The following SLC24A2 variants were observed in gnomAD, a reference collection of about 807,000 sequenced individuals.
SLC24A2 encodes solute carrier family 24 member 2.
In SLC24A2, 36 loss-of-function variants were observed where a neutral mutation model predicts 62.0. The observed-to-expected ratio is 0.58, with a 90% CI of 0.44 to 0.77. The LOEUF (loss-of-function observed/expected upper bound fraction) is 0.77. SLC24A2 is among the 30% of genes least tolerant of loss of function. SLC24A2 has a pLI of 0.00. For synonymous variants in SLC24A2, 358 were observed against 294.0 expected, an observed-to-expected ratio of 1.22 and a Z score of -2.23; for missense variants, 846 against 817.9, an observed-to-expected ratio of 1.03 and a Z score of -0.42.
the SLC24A2 span, among the ~76,000 whole-genome samples, chr9:20,019,255 GAA>G: frequency 4.0e-4 from 35 of 88,468 alleles, no homozygotes; most frequent in Non-Finnish European, 7.1e-4. Context: ...GAAGGAAAGA[GAA>G]AGAAAGAAAG....
chr9:20,022,586 T>C, the SLC24A2 span, among the ~76,000 whole-genome samples: 1 of 152,208 alleles, frequency 6.6e-6, no homozygotes, highest in Admixed American at 6.5e-5. Context: ...TCCACGTGCT[T>C]ACTGTCTCAC....
chr9:20,110,471 C>A, the SLC24A2 span, among the ~76,000 whole-genome samples: 1 of 150,884 alleles, frequency 6.6e-6, no homozygotes, highest in Non-Finnish European at 1.5e-5. Context: ...TTTTTTTTCA[C>A]TCTTACACTA....
the SLC24A2 span, among the ~76,000 whole-genome samples, chr9:20,141,353 C>T: frequency 6.6e-6 from 1 of 152,026 alleles, no homozygotes; most frequent in Non-Finnish European, 1.5e-5. Flanking sequence ...GTTAGCCCCC[C>T]TTACTCCAAG....
At chr9:20,283,398 G>T in the SLC24A2 span, among the ~76,000 whole-genome samples, 1 of 152,140 alleles carries the variant, frequency 6.6e-6, no homozygotes, top group Non-Finnish European at 1.5e-5. Flanking sequence ...TAGCTCTGCT[G>T]GCAATTCGTA....
chr9:20,100,966 G>A, the SLC24A2 span, among the ~76,000 whole-genome samples: 1 of 152,138 alleles, frequency 6.6e-6, no homozygotes, highest in African/African-American at 2.4e-5. Flanking sequence ...ATACACAGTG[G>A]TAACTTGTGC....
rs1823173945 is a variant in SLC24A2 at position 19,786,427 on chromosome 9, A to G, written c.440T>C (p.Ile147Thr). 1.2e-6 allele frequency: 2 copies of G among 1,614,084 alleles called. No individual in the cohort carries two copies. Among genetic ancestry groups the G allele is most frequent in the African/African-American group, 1.3e-5 (1 of 74,948 alleles). The change falls in exon 2 of 11, where the codon ATA becomes ACA. Residue 147 changes from isoleucine to threonine, a missense_variant. Ile to Thr is a moderately conservative substitution (Grantham distance 89). Coordinates refer to ENST00000341998, the MANE Select transcript of SLC24A2 (RefSeq NM_020344.4). The surrounding 1 kb of genome is among the most constrained non-coding windows in gnomAD (Gnocchi z 5.0). ...CTCATCACAGACAATGGCTAAGGCT[A>G]TGAACATGTAGATCATTCCAATGAC... ...LHVIGMIYMF[I>T]ALAIVCDEFF... is the part of the protein sequence containing the mutation.
chr9:19,636,330 T>TCCTTCCTTCCTTC (rs1554690408), intron 2 of SLC24A2, among the ~76,000 whole-genome samples: 1 of 30,236 alleles, frequency 3.3e-5, no homozygotes, highest in African/African-American at 1.4e-4. Flanking sequence ...TTTCTTTCTT[T>TCCTTCCTTCCTTC]CTTTCTTTCT....
chr9:19,558,487 T>G (rs1029455922), intron 7 of SLC24A2, among the ~76,000 whole-genome samples: 1 of 152,222 alleles, frequency 6.6e-6, no homozygotes, highest in Non-Finnish European at 1.5e-5. Context: ...TGTGATTTTA[T>G]GTGCACTTCA....
intron 7 of SLC24A2, among the ~76,000 whole-genome samples, chr9:19,562,627 A>C (rs1267635429): frequency 6.6e-6 from 1 of 152,210 alleles, no homozygotes; most frequent in Non-Finnish European, 1.5e-5. Context: ...TTCCTAAAAA[A>C]ATATGTATGT....
chr9:20,026,695 A>C, the SLC24A2 span, among the ~76,000 whole-genome samples: 5 of 152,338 alleles, frequency 3.3e-5, no homozygotes, highest in East Asian at 7.7e-4. Context: ...GAAAGACTTA[A>C]ATGTAAGATC....
the SLC24A2 span, among the ~76,000 whole-genome samples, chr9:19,937,114 C>G: frequency 6.6e-6 from 1 of 152,176 alleles, no homozygotes; most frequent in East Asian, 1.9e-4. Context: ...TTGATTCACA[C>G]ATTTGCTGCA....
At chr9:19,619,163 T>C (rs912547520) in intron 4 of SLC24A2, among the ~76,000 whole-genome samples, 2 of 152,234 alleles carry the variant, frequency 1.3e-5, no homozygotes, top group Non-Finnish European at 2.9e-5. Context: ...AAACCACTCA[T>C]GGACCTCCTA....
rs1203913253 is a variant in SLC24A2, at chr9:19,514,951, C to G, written c.*1202G>C. 2.0e-5 allele frequency: 3 copies of G among 152,182 alleles called. No homozygotes were observed. The highest frequency in any genetic ancestry group is 1.3e-4 in the Admixed American group (2 of 15,272). 9.4% of individuals were successfully genotyped at this position (152,182 alleles called of 1,614,324 possible). A position where few individuals can be genotyped will look rare whatever the true frequency, so the allele number is the denominator to read the frequency against. ...CTTCAGACACTAAAGCCCTTTATGA[C>G]TACACTGGAAAACGTTTTAAAGAAC... is the stretch of plus-strand genomic sequence containing the variant. On this transcript the variant is annotated 3_prime_UTR_variant, in exon 11 of 11. Transcript: ENST00000341998.
At chr9:19,584,748 A>G (rs990689852) in intron 5 of SLC24A2, among the ~76,000 whole-genome samples, 13 of 152,150 alleles carry the variant, frequency 8.5e-5, no homozygotes, top group Non-Finnish European at 1.5e-4. Flanking sequence ...TAATAATTTC[A>G]TCTTAAACAA....
In SLC24A2 at chr9:19,708,114, G is replaced by A. The variant is rs191202712; in HGVS notation, c.930+77823C>T. On this transcript the variant is annotated intron_variant, in intron 2 of 10. Coordinates refer to ENST00000341998, the MANE Select transcript of SLC24A2 (RefSeq NM_020344.4). ...CAAGCATTCTTATATACCAATAACA[G>A]ACAAACAGAGAGCCAAATCATGAGT... 2.8e-3 allele frequency among the ~76,000 whole-genome samples: 428 copies of A among 152,164 alleles called. 1 individual carries two copies. Among genetic ancestry groups the A allele is most frequent in the Non-Finnish European group, 4.3e-3 (294 of 68,008 alleles).
chr9:20,088,144 C>A, the SLC24A2 span, among the ~76,000 whole-genome samples: 15 of 152,296 alleles, frequency 9.8e-5, no homozygotes, highest in South Asian at 2.5e-3. Flanking sequence ...GGAGGTTGGA[C>A]CCCCATACAT....
the SLC24A2 span, among the ~76,000 whole-genome samples, chr9:20,189,707 A>G: frequency 6.6e-6 from 1 of 152,212 alleles, no homozygotes; most frequent in Non-Finnish European, 1.5e-5. Flanking sequence ...AGAATCCCAA[A>G]TGCTGAGCAG....
At chr9:19,545,864 C>T (rs1359934838) in intron 8 of SLC24A2, among the ~76,000 whole-genome samples, 2 of 152,156 alleles carry the variant, frequency 1.3e-5, no homozygotes, top group South Asian at 4.1e-4. Context: ...GTCTCAATCT[C>T]CTGACCTTGT....
Position 19,513,176 on chromosome 9 carries a change from G to GATA in SLC24A2, c.*2976_*2977insTAT, listed in dbSNP as rs1832790441. On this transcript the variant is annotated 3_prime_UTR_variant, in exon 11 of 11. Coordinates refer to ENST00000341998, the MANE Select transcript of SLC24A2 (RefSeq NM_020344.4). ...AAGATATATATATATATATATATAT[G>GATA]TATATATATATATATGTATATATTT... The GATA allele has an allele frequency of 1.5e-5, 1 of 66,972 alleles. No homozygotes were observed. Among genetic ancestry groups the GATA allele is most frequent in the African/African-American group, 5.6e-5 (1 of 17,844 alleles). 4.1% of individuals were successfully genotyped at this position (66,972 alleles called of 1,614,324 possible). A position where few individuals can be genotyped will look rare whatever the true frequency, so the allele number is the denominator to read the frequency against.
Sources: allele counts gnomAD v4.1 joint callset (sites outside exome capture counted in the v4.1 genomes callset), GRCh38; gene constraint gnomAD v4.1.1; non-coding constraint Gnocchi (gnomAD v3.1); transcripts MANE v1.5; gene names NCBI Gene and HGNC (gene_info 2026-07-23, HGNC 2026-07-21).